The following TMEM74 variants were observed in gnomAD, a reference collection of about 807,000 sequenced individuals.
The protein encoded by TMEM74 is transmembrane protein 74.
In TMEM74, 13 loss-of-function variants were observed where a neutral mutation model predicts 18.1. The ratio of observed to expected loss-of-function variants is 0.72; its 90% CI spans 0.47 to 1.14. TMEM74 has a LOEUF of 1.14. Ranked by LOEUF, TMEM74 falls within the 50% of genes most tolerant of loss-of-function variation. The probability of loss-of-function intolerance (pLI) is 0.00; values close to 1 mark genes in which losing one functional copy is unlikely to be tolerated. For missense variants in TMEM74, 372 were observed against 375.9 expected (o/e 0.99, Z 0.09); for synonymous variants, 159 against 146.6 (o/e 1.08, Z -0.61).
intron 2 of TMEM74, chr8:108,652,964 T>C: frequency 3.7e-6 from 1 of 269,532 alleles, no homozygotes; most frequent in Non-Finnish European, 7.4e-6. Flanking sequence ...AAAAGAAGAC[T>C]TCTTTTAGTT....
intron 2 of TMEM74, among the ~76,000 whole-genome samples, chr8:108,641,382 T>C (rs1230011480): frequency 6.6e-6 from 1 of 152,158 alleles, no homozygotes; most frequent in Non-Finnish European, 1.5e-5. Context: ...TAAGCGTATA[T>C]GTTTAATGAT....
At chr8:108,773,321 C>A (rs1032337916) in intron 1 of TMEM74, among the ~76,000 whole-genome samples, 1 of 151,172 alleles carries the variant, frequency 6.6e-6, no homozygotes, top group South Asian at 2.1e-4. Context: ...ATCAATATAT[C>A]CTAAAAAAAG....
chr8:108,675,610 C>G (rs1441286238), intron 1 of TMEM74, among the ~76,000 whole-genome samples: 1 of 152,170 alleles, frequency 6.6e-6, no homozygotes, highest in Admixed American at 6.5e-5. Flanking sequence ...CAACTTTATT[C>G]TGTTTTCAGA....
chr8:108,707,454 T>C (rs560736237), intron 1 of TMEM74, among the ~76,000 whole-genome samples: 1 of 152,320 alleles, frequency 6.6e-6, no homozygotes, highest in East Asian at 1.9e-4. Context: ...TAGCAGTTGT[T>C]TTAAAGTTTA....
chr8:108,747,996 T>C (rs759316328), intron 1 of TMEM74, among the ~76,000 whole-genome samples: 25 of 152,108 alleles, frequency 1.6e-4, no homozygotes, highest in Non-Finnish European at 2.4e-4. Flanking sequence ...CAAGTCTTTG[T>C]TATTGTGAAT....
At chr8:108,690,517 A>G (rs181151537) in intron 1 of TMEM74, among the ~76,000 whole-genome samples, 51 of 152,018 alleles carry the variant, frequency 3.4e-4, no homozygotes, top group African/African-American at 1.2e-3. Context: ...TGCCAAGAGT[A>G]ACAAATAATT....
At chr8:108,698,078 C>T (rs1177176724) in intron 1 of TMEM74, among the ~76,000 whole-genome samples, 2 of 152,144 alleles carry the variant, frequency 1.3e-5, no homozygotes, top group Admixed American at 6.5e-5. Flanking sequence ...TGTGGCAATA[C>T]TTTCCCTGTA....
intron 1 of TMEM74, among the ~76,000 whole-genome samples, chr8:108,697,013 G>C (rs3019421): frequency 0.2 from 30,323 of 152,110 alleles, 3,147 homozygotes; most frequent in East Asian, 0.29. Flanking sequence ...TGCTGCTGGT[G>C]CTGTCATTTC....
chr8:108,683,375 T>C (rs1419400483), intron 1 of TMEM74, among the ~76,000 whole-genome samples: 3 of 151,726 alleles, frequency 2.0e-5, no homozygotes, highest in Non-Finnish European at 4.4e-5. Flanking sequence ...TAATTACAAA[T>C]AAGTTAAATA....
chr8:108,699,187 C>CCTTCCTTCCTTCCTT (rs1563529302), intron 1 of TMEM74, among the ~76,000 whole-genome samples: 4,394 of 68,264 alleles, frequency 0.064, 134 homozygotes, highest in East Asian at 0.1. Context: ...CTTCCTTCCT[C>CCTTCCTTCCTTCCTT]CCTCCCTCCC....
intron 2 of TMEM74, among the ~76,000 whole-genome samples, chr8:108,635,974 A>G (rs1301731979): frequency 6.6e-6 from 1 of 152,012 alleles, no homozygotes; most frequent in African/African-American, 2.4e-5. Context: ...ATTTACTACA[A>G]TTTGTTTTTA....
chr8:108,772,399 T>C (rs1814183223), intron 1 of TMEM74, among the ~76,000 whole-genome samples: 1 of 152,184 alleles, frequency 6.6e-6, no homozygotes. Context: ...TATGAGTTAG[T>C]ATTGATCTGG....
At chr8:108,678,464 A>G (rs1172651678) in intron 1 of TMEM74, among the ~76,000 whole-genome samples, 1 of 151,588 alleles carries the variant, frequency 6.6e-6, no homozygotes, top group African/African-American at 2.4e-5. Flanking sequence ...TCCTGGGTTC[A>G]GGCAATCCTC....
intron 1 of TMEM74, among the ~76,000 whole-genome samples, chr8:108,712,139 G>A (rs1044358060): frequency 6.6e-6 from 1 of 152,096 alleles, no homozygotes; most frequent in Non-Finnish European, 1.5e-5. Flanking sequence ...TGTGTTTTAA[G>A]AAGTCCTCCA....
chr8:108,628,278 A>G (rs1812516145), intron 2 of TMEM74, among the ~76,000 whole-genome samples: 1 of 151,964 alleles, frequency 6.6e-6, no homozygotes, highest in South Asian at 2.1e-4. Flanking sequence ...ATGTATAGAA[A>G]AAACATTTGT....
chr8:108,664,557 G>C (rs994738876), intron 1 of TMEM74, among the ~76,000 whole-genome samples: 2 of 151,966 alleles, frequency 1.3e-5, no homozygotes. Flanking sequence ...GGTTTTTCTA[G>C]GTATAGAATC....
chr8:108,698,719 C>A (rs1813305223), intron 1 of TMEM74, among the ~76,000 whole-genome samples: 1 of 152,186 alleles, frequency 6.6e-6, no homozygotes, highest in Non-Finnish European at 1.5e-5. Flanking sequence ...TACCCTCTGT[C>A]ACATAGGGCC....
chr8:108,698,742 C>T (rs566685769), intron 1 of TMEM74, among the ~76,000 whole-genome samples: 2 of 152,226 alleles, frequency 1.3e-5, no homozygotes, highest in South Asian at 2.1e-4. Context: ...ATCTATGCTG[C>T]AAAGGAAGAA....
At chr8:108,722,361 A>G (rs746914818) in intron 1 of TMEM74, among the ~76,000 whole-genome samples, 5 of 152,202 alleles carry the variant, frequency 3.3e-5, no homozygotes, top group Non-Finnish European at 5.9e-5. Flanking sequence ...TCTTTCATAT[A>G]CAAGTGACCT....
Sources: gnomAD v4.1 joint callset for allele counts (sites outside exome capture counted in the v4.1 genomes callset) on GRCh38, gnomAD v4.1.1 for gene constraint, MANE v1.5 for transcripts, NCBI Gene and HGNC (gene_info 2026-07-23, HGNC 2026-07-21) for gene names.